Variants in IL1A observed in about 807,000 individuals in gnomAD.
IL1A encodes interleukin 1 alpha.
IL1A carries 16 observed loss-of-function variants against 22.2 expected under a neutral mutation model. That is an observed-to-expected ratio of 0.72 (90% CI 0.49 to 1.09). The LOEUF (loss-of-function observed/expected upper bound fraction) is 1.09, where lower values mean the gene tolerates loss of function less well. Among genes scored for constraint, IL1A ranks in the 50% least tolerant of loss-of-function variants. The pLI, the probability that IL1A is intolerant of heterozygous loss-of-function variation, is 0.00. For synonymous variants in IL1A, 113 were observed against 118.5 expected, an observed-to-expected ratio of 0.95 and a Z score of 0.30; for missense variants, 317 against 321.8, an observed-to-expected ratio of 0.99 and a Z score of 0.11.
chr2:112,780,585 A>G (rs1380266559), intron 4 of IL1A, among the ~76,000 whole-genome samples: 1 of 152,246 alleles, frequency 6.6e-6, no homozygotes, highest in Admixed American at 6.5e-5. Flanking sequence ...TCCCACTTAC[A>G]GATGTATGCC....
At chr2:112,779,166 T>G (rs1681150960) in intron 5 of IL1A, among the ~76,000 whole-genome samples, 3 of 152,188 alleles carry the variant, frequency 2.0e-5, no homozygotes. Flanking sequence ...GTAAATCATT[T>G]AATATGTCTG....
Position 112,777,975 on chromosome 2 carries a change from A to G in IL1A, c.615+12T>C. On this transcript the variant is annotated intron_variant, in intron 6 of 6. Coordinates refer to ENST00000263339, the MANE Select transcript of IL1A (RefSeq NM_000575.5). ...GTAAATGAAGGTAAGTTGGAGACAA[A>G]GGACAACTGACCTTCAGCAGCACTG... 6.2e-7 allele frequency: 1 copy of G among 1,613,742 alleles called. No homozygotes were observed. The highest frequency in any genetic ancestry group is 8.5e-7 in the Non-Finnish European group (1 of 1,179,796).
intron 4 of IL1A, 21 bp from the exon 5 acceptor site, chr2:112,779,687 G>A: frequency 6.4e-7 from 1 of 1,574,592 alleles, no homozygotes; most frequent in South Asian, 1.1e-5. Flanking sequence ...GATCACAAGT[G>A]CAGATTAATG....
chr2:112,774,940 T>C lies in IL1A; in HGVS notation c.*127A>G, dbSNP rs561566914. On this transcript the variant is annotated 3_prime_UTR_variant, in exon 7 of 7. Coordinates refer to ENST00000263339, the MANE Select transcript of IL1A (RefSeq NM_000575.5). ...CCACTCTTACAAAGAGTGTAAACAT[T>C]CATTTAGAATTACAAGGCTCAGTAC... The C allele has an allele frequency of 1.1e-4, 75 of 681,532 alleles. 2 individuals are homozygous for C. The South Asian group carries it at 1.3e-3, about 12-fold the overall frequency. The allele number at this position is 681,532 out of a possible 1,614,324, so 42.2% of individuals were successfully genotyped here. A position where few individuals can be genotyped will look rare whatever the true frequency, so the allele number is the denominator to read the frequency against.
chr2:112,778,193 GGTGTGT>G lies in IL1A; in HGVS notation c.491-88_491-83del, dbSNP rs3074430. 5,755 of 658,298 alleles carry G rather than the reference GGTGTGT, an allele frequency of 8.7e-3. 3 individuals are homozygous for G. Among genetic ancestry groups the G allele is most frequent in the South Asian group, 0.017 (866 of 49,996 alleles). 40.8% of individuals were successfully genotyped at this position (658,298 alleles called of 1,614,324 possible). ...GTGTTGATGTAGATTGTGTGTGCAT[GGTGTGT>G]GTGTGTGTGTGTGTGTGTGTGTGTG... is the stretch of plus-strand genomic sequence containing the variant. On this transcript the variant is annotated intron_variant, in intron 5 of 6. Transcript: ENST00000263339.
chr2:112,782,538 A>G (rs1376422607), intron 3 of IL1A, among the ~76,000 whole-genome samples, 178 bp downstream of exon 3: 1 of 152,236 alleles, frequency 6.6e-6, no homozygotes, highest in East Asian at 1.9e-4. Flanking sequence ...AAGCCAATGC[A>G]CATCAACTAT....
chr2:112,777,415 A>G (rs1246532533), intron 6 of IL1A, among the ~76,000 whole-genome samples: 1 of 152,198 alleles, frequency 6.6e-6, no homozygotes, highest in East Asian at 1.9e-4. Context: ...TGAGTCACCT[A>G]CTTATCAGTG....
chr2:112,783,519 T>A (rs944796983), intron 2 of IL1A, among the ~76,000 whole-genome samples: 1 of 152,152 alleles, frequency 6.6e-6, no homozygotes, highest in Non-Finnish European at 1.5e-5. Context: ...AAAATGGCGG[T>A]CTCCCTGCCA....
chr2:112,775,278 A>G lies in IL1A; in HGVS notation c.616-11T>C, dbSNP rs1393852870. 6.2e-7 allele frequency: 1 copy of G among 1,605,918 alleles called. No individual in the cohort carries two copies. Among genetic ancestry groups the G allele is most frequent in the South Asian group, 1.1e-5 (1 of 90,898 alleles). ...TATCTCAGGCATCTCCTATGAAGAA[A>G]AGAAGAGAATTCTGTTAGAGAACAA... On this transcript the variant is annotated splice_polypyrimidine_tract_variant and intron_variant, in intron 6 of 6. Transcript: ENST00000263339.
At position 112,774,558 on chromosome 2, in the gene IL1A, G is replaced by C. The variant is rs1020918801; in HGVS notation, c.*509C>G. 1 of 152,072 alleles carries C rather than the reference G, an allele frequency of 6.6e-6. No homozygotes were observed. The highest frequency in any genetic ancestry group is 1.5e-5 in the Non-Finnish European group (1 of 68,054). The allele number at this position is 152,072 out of a possible 1,614,324, so 9.4% of individuals were successfully genotyped here. On this transcript the variant is annotated 3_prime_UTR_variant, in exon 7 of 7. Coordinates refer to ENST00000263339, the MANE Select transcript of IL1A (RefSeq NM_000575.5). ...CTGATTAGCATAAAAAACTGTTGCG[G>C]CAGGAAGGCTTAGGTATTATTCCCT...
intron 4 of IL1A, among the ~76,000 whole-genome samples, chr2:112,780,785 C>G (rs1681183568): frequency 6.6e-6 from 1 of 152,088 alleles, no homozygotes; most frequent in Non-Finnish European, 1.5e-5. Context: ...CGCCTGTAAT[C>G]CCGGCACTTT....
rs1681201790 is a variant in IL1A at position 112,781,613 on chromosome 2, A to C, written c.310T>G (p.Ser104Ala). Residue 104 changes from serine to alanine, a missense_variant, in exon 4 of 7, where the codon TCA becomes GCA. Coordinates refer to ENST00000263339, the MANE Select transcript of IL1A (RefSeq NM_000575.5). The stretch of plus-strand genomic sequence containing the variant: ...GTGCTTGACCCCTTACCTTCCTCTG[A>C]GTCATTGGCGATGGCCTCCAGGTCA... ...DDDLEAIAND[S>A]EEEIIKPRSA... 6.2e-7 allele frequency: 1 copy of C among 1,613,062 alleles called. No individual in the cohort carries two copies. The highest frequency in any genetic ancestry group is 1.1e-5 in the South Asian group (1 of 91,060).
chr2:112,782,204 C>T (rs1681221342), intron 3 of IL1A, among the ~76,000 whole-genome samples: 1 of 152,202 alleles, frequency 6.6e-6, no homozygotes, highest in South Asian at 2.1e-4. Flanking sequence ...GCTTTTAAAG[C>T]CAGTACTGAA....
chr2:112,783,696 A>G, intron 2 of IL1A, 28 bp downstream of exon 2: 6 of 1,598,102 alleles, frequency 3.8e-6, no homozygotes, highest in South Asian at 1.1e-5. Context: ...CCCTCATTAA[A>G]TCACAAGAGA....
At chr2:112,777,105 A>ATT (rs61245237) in intron 6 of IL1A, among the ~76,000 whole-genome samples, 1 of 139,990 alleles carries the variant, frequency 7.1e-6, no homozygotes, top group African/African-American at 2.6e-5. Flanking sequence ...CACCCTATTC[A>ATT]TTTTTTTTTT....
chr2:112,781,877 A>G (rs565563343), intron 3 of IL1A, 51 bp from the exon 4 acceptor site: 1 of 1,348,658 alleles, frequency 7.4e-7, no homozygotes, highest in Admixed American at 1.7e-5. Context: ...TCAGGGAATG[A>G]AAGTTCTTTC....
At chr2:112,782,048 T>C (rs1681218045) in intron 3 of IL1A, among the ~76,000 whole-genome samples, 3 of 152,338 alleles carry the variant, frequency 2.0e-5, no homozygotes, top group African/African-American at 7.2e-5. Context: ...TTTTCATTTA[T>C]TTGCATGCTC....
intron 5 of IL1A, 39 bp downstream of exon 5, chr2:112,779,457 G>A: frequency 6.9e-7 from 1 of 1,455,578 alleles, no homozygotes; most frequent in African/African-American, 1.4e-5. Flanking sequence ...ATGAAAGGAG[G>A]GGAGGATGAC....
rs1004805672 is a variant in IL1A, at chr2:112,774,474, C to T, written c.*593G>A. 1 of 151,396 alleles carries T rather than the reference C, an allele frequency of 6.6e-6. No homozygotes were observed. Among genetic ancestry groups the T allele is most frequent in the Non-Finnish European group, 1.5e-5 (1 of 67,878 alleles). 9.4% of individuals were successfully genotyped at this position (151,396 alleles called of 1,614,324 possible). A position where few individuals can be genotyped will look rare whatever the true frequency, so the allele number is the denominator to read the frequency against. ...AAATAATAATTAAAAAATAACATTT[C>T]GTGCTTTGCCTTCATCTTGAGGCTC... On this transcript the variant is annotated 3_prime_UTR_variant, in exon 7 of 7. Coordinates refer to ENST00000263339, the MANE Select transcript of IL1A (RefSeq NM_000575.5).
Sources: allele counts gnomAD v4.1 joint callset (sites outside exome capture counted in the v4.1 genomes callset), GRCh38; gene constraint gnomAD v4.1.1; transcripts MANE v1.5; gene names NCBI Gene and HGNC (gene_info 2026-07-23, HGNC 2026-07-21).